FGF14: variants seen among roughly 807,000 people sequenced by gnomAD.
FGF14 encodes fibroblast growth factor 14.
In FGF14, 5 loss-of-function variants were observed where a neutral mutation model predicts 25.5. That is an observed-to-expected ratio of 0.20 (90% CI 0.10 to 0.41). The LOEUF is 0.41. Among genes scored for constraint, FGF14 ranks in the 10% least tolerant of loss-of-function variants. The pLI is 1.00. For synonymous variants in FGF14, 138 were observed against 118.3 expected (o/e 1.17, Z -1.08); for missense variants, 222 against 320.1 (o/e 0.69, Z 2.34).
chr13:101,859,678 G>C (rs903998582), intron 3 of FGF14, among the ~76,000 whole-genome samples: 1 of 151,982 alleles, frequency 6.6e-6, no homozygotes, highest in African/African-American at 2.4e-5. Flanking sequence ...AGGTCGTATG[G>C]TTTTGGTTGT....
intron 1 of FGF14, among the ~76,000 whole-genome samples, chr13:101,975,416 T>C (rs2037862242): frequency 6.6e-6 from 1 of 151,984 alleles, no homozygotes; most frequent in Non-Finnish European, 1.5e-5. Context: ...ACATTCCCAT[T>C]CTCTTCACTC....
At chr13:101,861,867 G>A (rs1224606590) in intron 3 of FGF14, among the ~76,000 whole-genome samples, 1 of 152,092 alleles carries the variant, frequency 6.6e-6, no homozygotes, top group Non-Finnish European at 1.5e-5. Context: ...TTTAGACACT[G>A]CTGACATCCC....
upstream of FGF14, among the ~76,000 whole-genome samples, chr13:101,917,460 CG>C (rs1185953446): frequency 2.0e-5 from 3 of 152,118 alleles, no homozygotes; most frequent in African/African-American, 7.2e-5. Context: ...GAAGGAACAT[CG>C]GGGCGCTTTT....
chr13:102,201,018 C>T lies in FGF14; in HGVS notation c.208+200453G>A, dbSNP rs181949198. ...TGGGGAGGCTGAGGCAGGAGAATGG[C>T]GTGAACCCGGGAGGCGGAGCTTGCT... is the stretch of plus-strand genomic sequence containing the variant. On this transcript the variant is annotated intron_variant, in intron 1 of 4. Coordinates refer to the FGF14 transcript ENST00000376131. Among the ~76,000 whole-genome samples, 214 of 137,354 alleles carry T rather than the reference C, an allele frequency of 1.6e-3. 1 individual carries two copies. Among genetic ancestry groups the T allele is most frequent in the African/African-American group, 5.6e-3 (204 of 36,752 alleles). The allele number at this position is 137,354 out of a possible 152,430, so 90.1% of individuals were successfully genotyped here.
chr13:101,981,070 C>T (rs1199026604), intron 1 of FGF14, among the ~76,000 whole-genome samples: 5 of 137,620 alleles, frequency 3.6e-5, no homozygotes, highest in South Asian at 4.8e-4. Flanking sequence ...GGTGAAACCT[C>T]GTCTCTACTA....
chr13:101,958,687 C>G (rs1173066680), intron 1 of FGF14, among the ~76,000 whole-genome samples: 1 of 152,192 alleles, frequency 6.6e-6, no homozygotes, highest in Non-Finnish European at 1.5e-5. Flanking sequence ...AGAAGCCAGC[C>G]TCACACTCAG....
intron 1 of FGF14, among the ~76,000 whole-genome samples, chr13:102,086,047 A>T (rs2043879918): frequency 6.6e-6 from 1 of 152,226 alleles, no homozygotes; most frequent in Non-Finnish European, 1.5e-5. Flanking sequence ...AGGGCAGGCT[A>T]CTGCTTTTAA....
rs1361371362 is a variant in FGF14 at position 102,193,711 on chromosome 13, T to A, written c.208+207760A>T. The stretch of plus-strand genomic sequence containing the variant: ...CTACACATGAGAAACTATAGAGTTC[T>A]TACAGGAAAGTCATGAAACAAAGAA... On this transcript the variant is annotated intron_variant, in intron 1 of 4. Coordinates refer to the FGF14 transcript ENST00000376131. Among the ~76,000 whole-genome samples, 3 of 152,294 alleles carry A rather than the reference T, an allele frequency of 2.0e-5. 1 individual carries two copies.
intron 1 of FGF14, among the ~76,000 whole-genome samples, chr13:101,923,121 TTA>T (rs1491509155): frequency 1.3e-5 from 2 of 152,212 alleles, no homozygotes; most frequent in East Asian, 3.9e-4. Flanking sequence ...CTAAAGGTGT[TTA>T]TACATAAAAA....
At chr13:102,324,906 CATTA>C (rs1007003469) in intron 1 of FGF14, among the ~76,000 whole-genome samples, 4 of 152,012 alleles carry the variant, frequency 2.6e-5, no homozygotes, top group Admixed American at 6.6e-5. Context: ...GCCTGCTAAC[CATTA>C]ATTGATATTT....
At chr13:101,792,005 T>C (rs534727275) in intron 3 of FGF14, among the ~76,000 whole-genome samples, 58 of 152,286 alleles carry the variant, frequency 3.8e-4, no homozygotes, top group African/African-American at 1.3e-3. Context: ...AAATTATTAC[T>C]GAAGCCTTAT....
chr13:102,354,245 C>G (rs923470023), intron 1 of FGF14: 8 of 152,196 alleles, frequency 5.3e-5, no homozygotes, highest in African/African-American at 1.9e-4. Flanking sequence ...GGACAGAACT[C>G]AAAGTCATCC....
At chr13:102,092,286 A>G (rs1037867642) in intron 1 of FGF14, among the ~76,000 whole-genome samples, 1 of 152,180 alleles carries the variant, frequency 6.6e-6, no homozygotes, top group Non-Finnish European at 1.5e-5. Context: ...GAAAATATTC[A>G]TTGTTCAGGA....
At chr13:102,355,824 TA>T (rs2139007247) in intron 1 of FGF14, among the ~76,000 whole-genome samples, 1 of 152,248 alleles carries the variant, frequency 6.6e-6, no homozygotes, top group East Asian at 1.9e-4. Context: ...TTAATTTTTC[TA>T]AAAATTACAG....
chr13:102,158,538 G>C (rs1323240325), intron 1 of FGF14, among the ~76,000 whole-genome samples: 2 of 150,890 alleles, frequency 1.3e-5, no homozygotes, highest in Non-Finnish European at 2.9e-5. Flanking sequence ...GGGTAGCGGG[G>C]GGGGGATACA....
chr13:101,808,489 A>G (rs1056702860), intron 3 of FGF14, among the ~76,000 whole-genome samples: 11 of 152,184 alleles, frequency 7.2e-5, no homozygotes, highest in Non-Finnish European at 1.3e-4. Flanking sequence ...AAATTACAAT[A>G]GTGAATTTGT....
chr13:102,159,581 T>A (rs564517935), intron 1 of FGF14, among the ~76,000 whole-genome samples: 3 of 152,304 alleles, frequency 2.0e-5, no homozygotes, highest in African/African-American at 7.2e-5. Context: ...GCAGAGCTCA[T>A]CGTGCACTCT....
intron 1 of FGF14, among the ~76,000 whole-genome samples, chr13:102,009,222 T>C (rs1208423478): frequency 6.6e-6 from 1 of 152,168 alleles, no homozygotes; most frequent in East Asian, 1.9e-4. Flanking sequence ...TCATATTTTG[T>C]AACACATTTT....
At chr13:102,351,918 G>C (rs1337755686) in intron 1 of FGF14, among the ~76,000 whole-genome samples, 2 of 152,194 alleles carry the variant, frequency 1.3e-5, no homozygotes, top group African/African-American at 2.4e-5. Flanking sequence ...GCTGAAGGGA[G>C]AGGAATTAGC....
Sources: allele counts gnomAD v4.1 joint callset (sites outside exome capture counted in the v4.1 genomes callset), GRCh38; gene constraint gnomAD v4.1.1; transcripts MANE v1.5; gene names NCBI Gene and HGNC (gene_info 2026-07-23, HGNC 2026-07-21).